The following CACNA1C variants were observed in gnomAD, a reference collection of about 807,000 sequenced individuals.
CACNA1C encodes the protein voltage-dependent L-type calcium channel subunit alpha-1C.
Under a neutral mutation model 229.0 loss-of-function variants are expected in CACNA1C, and 30 were observed. The ratio of observed to expected loss-of-function variants is 0.13; its 90% CI spans 0.10 to 0.18. The LOEUF is 0.18. CACNA1C is among the 10% of genes least tolerant of loss of function. The pLI is 1.00. For synonymous variants in CACNA1C, 1,114 were observed against 1,132.5 expected (o/e 0.98, Z 0.33); for missense variants, 1,658 against 2,845.0 (o/e 0.58, Z 9.49).
At position 2,665,032 on chromosome 12, in the gene CACNA1C, C is replaced by T. The variant is rs1376313836; in HGVS notation, c.4398+42C>T. 2 of 1,604,268 alleles carry T rather than the reference C, an allele frequency of 1.2e-6. No individual in the cohort carries two copies. Among genetic ancestry groups the T allele is most frequent in the Non-Finnish European group, 1.7e-6 (2 of 1,172,054 alleles). On this transcript the variant is annotated intron_variant, in intron 35 of 46. Coordinates refer to ENST00000399655, the MANE Select transcript of CACNA1C (RefSeq NM_000719.7). The surrounding 1 kb of genome is among the most constrained non-coding windows in gnomAD (Gnocchi z 5.9). ...CTCAACAGCCAGCAGCCATGACTGC[C>T]CAGTTCCAGGGCAGTCTGAACCGTC...
At chr12:2,423,873 C>T (rs1026534515) in intron 3 of CACNA1C, among the ~76,000 whole-genome samples, 23 of 152,284 alleles carry the variant, frequency 1.5e-4, no homozygotes, top group South Asian at 4.2e-4. Flanking sequence ...CTCCCCTCCT[C>T]AACCTCCGAT....
At chr12:2,042,776 G>A (rs1411298860) in intron 1 of CACNA1C, among the ~76,000 whole-genome samples, 1 of 152,194 alleles carries the variant, frequency 6.6e-6, no homozygotes, top group Non-Finnish European at 1.5e-5. Context: ...ACATATGAAA[G>A]TTGAGGGTCT....
rs111716850 is a variant in CACNA1C, at chr12:2,097,203, T to G, written c.50-18021T>G. Among the ~76,000 whole-genome samples the G allele has an allele frequency of 9.2e-5, 14 of 152,188 alleles. 1 individual carries two copies. Among genetic ancestry groups the G allele is most frequent in the Admixed American group, 7.9e-4 (12 of 15,280 alleles). On this transcript the variant is annotated intron_variant, in intron 1 of 46. Coordinates refer to ENST00000399655, the MANE Select transcript of CACNA1C (RefSeq NM_000719.7). The stretch of plus-strand genomic sequence containing the variant: ...CTCTGTCACCCAGGCTGGAGTGCAG[T>G]GGCGCGATCTCGGCTCACTGCAAGC...
At chr12:2,378,365 C>T (rs1003294282) in intron 3 of CACNA1C, among the ~76,000 whole-genome samples, 7 of 152,192 alleles carry the variant, frequency 4.6e-5, no homozygotes, top group African/African-American at 1.7e-4. Flanking sequence ...TCTATGGCCT[C>T]TGCAATCTGC....
At chr12:2,430,615 G>A (rs949334774) in intron 3 of CACNA1C, among the ~76,000 whole-genome samples, 2 of 152,128 alleles carry the variant, frequency 1.3e-5, no homozygotes, top group Non-Finnish European at 2.9e-5. Flanking sequence ...TGCTGGCACA[G>A]AGTATGTGCT....
chr12:2,411,641 C>A (rs185083021), intron 3 of CACNA1C, among the ~76,000 whole-genome samples: 1 of 152,292 alleles, frequency 6.6e-6, no homozygotes, highest in Admixed American at 6.5e-5. Context: ...GCCTGGCCAC[C>A]CTTTCACCTT....
chr12:2,278,063 G>T (rs1024867617), intron 3 of CACNA1C, among the ~76,000 whole-genome samples: 1 of 152,214 alleles, frequency 6.6e-6, no homozygotes, highest in Non-Finnish European at 1.5e-5. Context: ...CTCATGATCT[G>T]CACTGGGGAC....
Position 2,593,348 on chromosome 12 carries a change from G to A in CACNA1C, c.2663+3G>A, listed in dbSNP as rs1434768914. The A allele has an allele frequency of 1.2e-6, 2 of 1,613,612 alleles. No homozygotes were observed. Among genetic ancestry groups the A allele is most frequent in the African/African-American group, 2.7e-5 (2 of 75,034 alleles). ...TTCATCTTCAGCTCTAACAACAGGTGTGCAGCAATGGTGGGGAAGGTGGGG... is the reference window on the plus strand; with the variant it reads ...TTCATCTTCAGCTCTAACAACAGGTATGCAGCAATGGTGGGGAAGGTGGGG... On this transcript the variant is annotated splice_donor_region_variant and intron_variant, in intron 19 of 46. Coordinates refer to ENST00000399655, the MANE Select transcript of CACNA1C (RefSeq NM_000719.7).
chr12:1,992,320 C>T (rs2039623600), intron 1 of CACNA1C: 2 of 154,036 alleles, frequency 1.3e-5, no homozygotes, highest in African/African-American at 4.8e-5. Flanking sequence ...TTTAATGCAT[C>T]TTAATGATGC....
intron 1 of CACNA1C, among the ~76,000 whole-genome samples, chr12:2,092,186 G>A (rs527840141): frequency 9.2e-5 from 14 of 152,298 alleles, no homozygotes; most frequent in East Asian, 5.8e-4. Flanking sequence ...AATGAAGGGC[G>A]CGAAGGCACT....
chr12:2,384,619 T>C (rs569874911), intron 3 of CACNA1C, among the ~76,000 whole-genome samples: 2 of 152,338 alleles, frequency 1.3e-5, no homozygotes, highest in African/African-American at 2.4e-5. Flanking sequence ...CCCTGCACTT[T>C]TCCTTCTCTG....
chr12:2,393,369 C>G (rs2098520229), intron 3 of CACNA1C, among the ~76,000 whole-genome samples: 1 of 152,236 alleles, frequency 6.6e-6, no homozygotes, highest in African/African-American at 2.4e-5. Context: ...GGCTGGCCCT[C>G]CACCATCTCC....
At chr12:2,295,350 T>C (rs2093938899) in intron 3 of CACNA1C, among the ~76,000 whole-genome samples, 1 of 152,190 alleles carries the variant, frequency 6.6e-6, no homozygotes, top group Admixed American at 6.5e-5. Context: ...TTTCAAGGTT[T>C]CATTCAAACC....
At chr12:2,164,122 C>T (rs1353548316) in intron 3 of CACNA1C, among the ~76,000 whole-genome samples, 2 of 152,194 alleles carry the variant, frequency 1.3e-5, no homozygotes, top group Admixed American at 6.5e-5. Flanking sequence ...TCTCCATTCC[C>T]AGAATGTATG....
chr12:2,062,849 A>C (rs1197588752), intron 1 of CACNA1C, among the ~76,000 whole-genome samples: 1 of 152,182 alleles, frequency 6.6e-6, no homozygotes, highest in African/African-American at 2.4e-5. Flanking sequence ...TTCTCAAACG[A>C]GATTCCCGTG....
At chr12:2,533,979 A>G (rs935125482) in intron 9 of CACNA1C, among the ~76,000 whole-genome samples, 14 of 152,208 alleles carry the variant, frequency 9.2e-5, no homozygotes, top group Middle Eastern at 3.2e-3. Context: ...ACCAAGCTAC[A>G]TGGCACAAAT....
chr12:2,584,403 G>C (rs1053658868), intron 15 of CACNA1C, 100 bp from the exon 16 acceptor site: 1 of 770,358 alleles, frequency 1.3e-6, no homozygotes, highest in Non-Finnish European at 2.3e-6. Context: ...AGCTCTCTCT[G>C]CTGAGGAGCT....
At chr12:2,364,409 A>G (rs948737113) in intron 3 of CACNA1C, among the ~76,000 whole-genome samples, 3 of 152,188 alleles carry the variant, frequency 2.0e-5, no homozygotes, top group East Asian at 1.9e-4. Context: ...CCAGACATCT[A>G]TGAAATCCAC....
intron 9 of CACNA1C, among the ~76,000 whole-genome samples, chr12:2,519,636 A>C (rs998574703): frequency 3.3e-5 from 5 of 152,180 alleles, no homozygotes; most frequent in African/African-American, 7.2e-5. Flanking sequence ...GTTCTTAAGC[A>C]ACGAGATTTT....
Sources: allele counts gnomAD v4.1 joint callset (sites outside exome capture counted in the v4.1 genomes callset), GRCh38; gene constraint gnomAD v4.1.1; non-coding constraint Gnocchi (gnomAD v3.1); transcripts MANE v1.5; gene names NCBI Gene and HGNC (gene_info 2026-07-23, HGNC 2026-07-21).